The following ABI3BP variants were observed in gnomAD, a reference collection of about 807,000 sequenced individuals.
ABI3BP encodes the protein target of Nesh-SH3.
Under a neutral mutation model 268.6 loss-of-function variants are expected in ABI3BP, and 216 were observed. The observed-to-expected ratio is 0.80, with a 90% confidence interval of 0.72 to 0.90. The LOEUF (loss-of-function observed/expected upper bound fraction) is 0.90, where lower values mean the gene tolerates loss of function less well. Ranked by LOEUF, ABI3BP falls within the 40% of genes least tolerant of loss-of-function variation. ABI3BP has a pLI of 0.00. For missense variants in ABI3BP, 2,090 were observed against 2,182.4 expected (o/e 0.96, Z 0.84); for synonymous variants, 730 against 730.0 (o/e 1.00, Z 0.00).
chr3:100,767,377 G>A (rs919523641), intron 62 of ABI3BP, among the ~76,000 whole-genome samples: 3 of 152,038 alleles, frequency 2.0e-5, no homozygotes, highest in Admixed American at 6.5e-5. Flanking sequence ...GATACTATTG[G>A]TGCAGCTATT....
intron 49 of ABI3BP, 107 bp from the exon 50 acceptor site, chr3:100,808,342 C>T (rs560625555): frequency 2.2e-5 from 16 of 736,318 alleles, no homozygotes; most frequent in Admixed American, 1.0e-4. Context: ...GACCTAAATA[C>T]TCAACAATGA....
At chr3:100,847,377 C>G (rs2098781767) in intron 19 of ABI3BP, among the ~76,000 whole-genome samples, 1 of 152,152 alleles carries the variant, frequency 6.6e-6, no homozygotes, top group Admixed American at 6.6e-5. Flanking sequence ...CAAAAGCTGA[C>G]ACAGAATGAC....
At chr3:100,838,585 T>C (rs2098642122) in intron 24 of ABI3BP, 121 bp from the exon 25 acceptor site, 2 of 857,060 alleles carry the variant, frequency 2.3e-6, no homozygotes, top group African/African-American at 1.7e-5. Context: ...ATTTCTGGGG[T>C]GTGGGAAGGG....
At chr3:100,825,083 C>T (rs777269206) in intron 35 of ABI3BP, 142 bp from the exon 36 acceptor site, 20 of 689,388 alleles carry the variant, frequency 2.9e-5, no homozygotes, top group African/African-American at 1.6e-4. Context: ...CCTTTTATAA[C>T]GATGCGTCAT....
chr3:100,857,478 C>T (rs1056459071), intron 14 of ABI3BP, among the ~76,000 whole-genome samples: 1 of 152,128 alleles, frequency 6.6e-6, no homozygotes, highest in African/African-American at 2.4e-5. Flanking sequence ...TAGCTCTATC[C>T]CACCTTAGAT....
In ABI3BP at chr3:100,864,869, T is replaced by C; in HGVS notation, c.1027A>G (p.Thr343Ala). 1 of 1,608,542 alleles carries C rather than the reference T, an allele frequency of 6.2e-7. No individual in the cohort carries two copies. Reference sequence around the variant, plus strand: ...TCTGAAACATCTAATGCACTAGACGTAGTGGGTTTAGTGCTTCTTGGAACT... The same window carrying C: ...TCTGAAACATCTAATGCACTAGACGCAGTGGGTTTAGTGCTTCTTGGAACT... ...ETVPRSTKPT[T>A]SSALDVSETT... Residue 343 changes from threonine to alanine, a missense_variant, in exon 11 of 68, where the codon ACG becomes GCG. Physicochemically the swap from Thr to Ala is moderately conservative, Grantham distance 58. Transcript: ENST00000471714.
At chr3:100,778,648 G>A (rs1577359079) in intron 58 of ABI3BP, 4 of 340,676 alleles carry the variant, frequency 1.2e-5, no homozygotes, top group Non-Finnish European at 2.1e-5. Flanking sequence ...TCATATCTGT[G>A]GGTTCCCCAT....
intron 1 of ABI3BP, among the ~76,000 whole-genome samples, chr3:100,960,649 A>G (rs2078703049): frequency 6.6e-6 from 1 of 152,232 alleles, no homozygotes; most frequent in Non-Finnish European, 1.5e-5. Context: ...TGAAGCAGAA[A>G]GGACGTCAGA....
intron 1 of ABI3BP, among the ~76,000 whole-genome samples, chr3:100,979,028 G>C (rs150806676): frequency 2.7e-4 from 41 of 152,294 alleles, no homozygotes; most frequent in African/African-American, 9.1e-4. Context: ...AGCATTGCTA[G>C]TATCATCTGG....
At chr3:100,755,148 T>G (rs1014144713) in intron 63 of ABI3BP, among the ~76,000 whole-genome samples, 1 of 152,216 alleles carries the variant, frequency 6.6e-6, no homozygotes, top group African/African-American at 2.4e-5. Context: ...ACTGTGGAGT[T>G]TGAACTACTT....
intron 2 of ABI3BP, among the ~76,000 whole-genome samples, chr3:100,923,853 C>T (rs1014350277): frequency 2.2e-4 from 34 of 151,924 alleles, no homozygotes; most frequent in African/African-American, 7.2e-4. Context: ...ATGCTAAAAC[C>T]ATTAGGTGAA....
chr3:100,812,186 A>G (rs2097879082), intron 46 of ABI3BP, among the ~76,000 whole-genome samples: 1 of 152,182 alleles, frequency 6.6e-6, no homozygotes, highest in Non-Finnish European at 1.5e-5. Flanking sequence ...ATGAAAATGA[A>G]AAGTAGGTTG....
chr3:100,816,320 T>A (rs74491573), intron 43 of ABI3BP: 5,030 of 441,804 alleles, frequency 0.011, 193 homozygotes, highest in African/African-American at 0.087. Context: ...AACTTGTTGC[T>A]TTTCTTGGAA....
chr3:100,750,771 G>A (rs116590004), intron 67 of ABI3BP, among the ~76,000 whole-genome samples, 161 bp from the exon 68 acceptor site: 9 of 152,100 alleles, frequency 5.9e-5, no homozygotes, highest in Non-Finnish European at 1.0e-4. Flanking sequence ...TTTTCCTGAG[G>A]TGTAGTCATG....
chr3:100,811,093 C>T, intron 48 of ABI3BP, 137 bp downstream of exon 48: 1 of 659,864 alleles, frequency 1.5e-6, no homozygotes, highest in Non-Finnish European at 2.4e-6. Context: ...GATAGGAGCA[C>T]CTTGAAAGAA....
chr3:100,820,408 A>G (rs1375760310), intron 39 of ABI3BP, 105 bp from the exon 40 acceptor site: 4 of 858,032 alleles, frequency 4.7e-6, no homozygotes, highest in South Asian at 2.3e-5. Context: ...ATTTTCTCAT[A>G]TTTCAGGAAA....
chr3:100,771,034 G>A (rs2096530062), intron 61 of ABI3BP, 82 bp from the exon 62 acceptor site: 4 of 1,224,670 alleles, frequency 3.3e-6, no homozygotes, highest in East Asian at 2.7e-5. Context: ...TATAATTTGA[G>A]GACATTTGGT....
At chr3:100,992,500 G>A (rs1441540983) in intron 1 of ABI3BP, among the ~76,000 whole-genome samples, 1 of 152,156 alleles carries the variant, frequency 6.6e-6, no homozygotes, top group Non-Finnish European at 1.5e-5. Context: ...ACAGCAGTCT[G>A]CAACCATAAA....
Position 100,990,547 on chromosome 3 carries a change from T to C in ABI3BP, c.79+2759A>G, listed in dbSNP as rs1025170290. 6.0e-5 allele frequency among the ~76,000 whole-genome samples: 9 copies of C among 149,198 alleles called. No individual in the cohort carries two copies. The East Asian group carries it at 1.6e-3, about 26-fold the overall frequency. On this transcript the variant is annotated intron_variant, in intron 1 of 67. Transcript: ENST00000471714. ...ACACCACATATAACAACTGACTTCT[T>C]ATAAATAACTATATATGGTTATATA...
Sources: gnomAD v4.1 joint callset for allele counts (sites outside exome capture counted in the v4.1 genomes callset) on GRCh38, gnomAD v4.1.1 for gene constraint, MANE v1.5 for transcripts, NCBI Gene and HGNC (gene_info 2026-07-23, HGNC 2026-07-21) for gene names.